The following DMD variants were observed in gnomAD, a reference collection of about 807,000 sequenced individuals.
DMD encodes dystrophin.
A neutral mutation model predicts 330.1 loss-of-function variants in DMD; 63 were observed. That is an observed-to-expected ratio of 0.19 (90% CI 0.16 to 0.24). DMD has a LOEUF of 0.24. DMD is among the 10% of genes least tolerant of loss of function. The pLI is 1.00. For synonymous variants in DMD, 1,223 were observed against 959.8 expected (o/e 1.27, Z -5.07); for missense variants, 3,344 against 2,684.1 (o/e 1.25, Z -5.43).
At chrX:31,228,917 AAACGTAAGG>A (rs1320803841) in intron 63 of DMD, among the ~76,000 whole-genome samples, 1 of 112,422 alleles carries the variant, frequency 8.9e-6, no homozygotes, top group Non-Finnish European at 1.9e-5. Flanking sequence ...AGAAATCTAG[AAACGTAAGG>A]AACAAGGGCA....
chrX:31,435,722 C>CA (rs2064465642), intron 60 of DMD: 1 of 111,749 alleles, frequency 8.9e-6, no homozygotes. Flanking sequence ...GTGAGAACAG[C>CA]AGCTCTTTGA....
intron 60 of DMD, among the ~76,000 whole-genome samples, chrX:31,406,710 A>C (rs2061414492): frequency 9.0e-6 from 1 of 111,666 alleles, no homozygotes; most frequent in Non-Finnish European, 1.9e-5. Flanking sequence ...GAAGGACTCA[A>C]GGTTATATAT....
intron 44 of DMD, among the ~76,000 whole-genome samples, chrX:32,201,779 C>T (rs1310516818): frequency 9.1e-6 from 1 of 110,452 alleles, no homozygotes; most frequent in East Asian, 2.8e-4. Flanking sequence ...TAAGTACAGT[C>T]AACAATGATA....
At chrX:31,644,542 A>C (rs1476758961) in intron 54 of DMD, among the ~76,000 whole-genome samples, 1 of 111,829 alleles carries the variant, frequency 8.9e-6, no homozygotes, top group Admixed American at 9.5e-5. Flanking sequence ...TGTCACGTTC[A>C]TTTAGAATAT....
intron 55 of DMD, among the ~76,000 whole-genome samples, chrX:31,524,684 C>G (rs1421058079): frequency 8.9e-6 from 1 of 112,160 alleles, no homozygotes; most frequent in Non-Finnish European, 1.9e-5. Context: ...CACCCTTCTC[C>G]CTTCGTTCTG....
intron 44 of DMD, among the ~76,000 whole-genome samples, chrX:32,177,330 C>G (rs1169446662): frequency 8.9e-6 from 1 of 111,838 alleles, no homozygotes; most frequent in East Asian, 2.8e-4. Context: ...GAAAAAACTC[C>G]CAACAGGACC....
At chrX:33,203,594 A>G (rs1360847553) in intron 1 of DMD, among the ~76,000 whole-genome samples, 3 of 110,826 alleles carry the variant, frequency 2.7e-5, no homozygotes, top group African/African-American at 9.8e-5. Flanking sequence ...GGAGATCGAA[A>G]GGAACAGACC....
chrX:33,078,034 T>G (rs981946003), intron 1 of DMD, among the ~76,000 whole-genome samples: 4 of 112,168 alleles, frequency 3.6e-5, no homozygotes, highest in African/African-American at 1.3e-4. Flanking sequence ...CTCTGTTCCA[T>G]GAAGAATCTC....
intron 6 of DMD, among the ~76,000 whole-genome samples, chrX:32,809,919 C>CCAAAAAAAAAAAAAAAA (rs2077222247): frequency 3.5e-5 from 1 of 28,660 alleles, no homozygotes; most frequent in African/African-American, 1.3e-4. Flanking sequence ...TTGTTTCTAC[C>CCAAAAAAAAAAAAAAAA]AAAAAAAAAA....
chrX:33,077,373 T>C (rs946121167), intron 1 of DMD, among the ~76,000 whole-genome samples: 1 of 111,591 alleles, frequency 9.0e-6, no homozygotes, highest in Non-Finnish European at 1.9e-5. Context: ...TCAGTTAAGT[T>C]AGATTGTTTT....
At chrX:32,064,071 C>T (rs12009718) in intron 44 of DMD, among the ~76,000 whole-genome samples, 25,109 of 110,161 alleles carry the variant, frequency 0.23, 2,159 homozygotes, top group South Asian at 0.27. Flanking sequence ...GATTTATTCT[C>T]AACGAATGAA....
chrX:32,242,105 C>T (rs1411660423), intron 43 of DMD, among the ~76,000 whole-genome samples: 1 of 111,919 alleles, frequency 8.9e-6, no homozygotes, highest in East Asian at 2.8e-4. Context: ...TGAATCCTAA[C>T]CAAATTTCCT....
chrX:31,122,034 A>AAGAC lies in DMD; in HGVS notation c.11047-108_11047-105dup, dbSNP rs772869518. On this transcript the variant is annotated intron_variant, in intron 78 of 78. Transcript: ENST00000357033. ...GGAAATCATTCCCCATTTCTGGGTG[A>AAGAC]AGACAACACAGAAGCTGCATCGAGG... 83 of 631,362 alleles carry AAGAC rather than the reference A, an allele frequency of 1.3e-4. 1 individual carries two copies. The East Asian group carries it at 2.6e-3, about 20-fold the overall frequency. 52.0% of individuals were successfully genotyped at this position (631,362 alleles called of 1,213,427 possible). A position where few individuals can be genotyped will look rare whatever the true frequency, so the allele number is the denominator to read the frequency against.
At chrX:31,234,671 A>C (rs765322513) in intron 63 of DMD, among the ~76,000 whole-genome samples, 1 of 112,413 alleles carries the variant, frequency 8.9e-6, no homozygotes, top group East Asian at 2.8e-4. Flanking sequence ...AAATCAGTAC[A>C]CGTATCCCAG....
chrX:33,316,113 G>A (rs932499995), intron 1 of DMD, among the ~76,000 whole-genome samples: 1 of 110,219 alleles, frequency 9.1e-6, no homozygotes, highest in South Asian at 3.9e-4. Context: ...AAATGACTCT[G>A]TAATCAACTA....
chrX:31,623,391 G>A (rs1603429423), intron 55 of DMD, among the ~76,000 whole-genome samples: 1 of 111,112 alleles, frequency 9.0e-6, no homozygotes. Flanking sequence ...AGCCTCCTGA[G>A]TAGCTGGGAC....
At chrX:32,880,897 T>C (rs2083875753) in intron 2 of DMD, among the ~76,000 whole-genome samples, 1 of 112,672 alleles carries the variant, frequency 8.9e-6, no homozygotes, top group Admixed American at 9.3e-5. Flanking sequence ...TGAGCCGATA[T>C]TGCGCCATCG....
In DMD at chrX:32,558,938, C is replaced by CTTTTTTTT. The variant is rs60739281; in HGVS notation, c.1992+6756_1992+6763dup. On this transcript the variant is annotated intron_variant, in intron 16 of 78. Transcript: ENST00000357033. Reference sequence around the variant, plus strand: ...TATTTGAGATGTAACTTCAAATTTTCTTTTTTTTTTTTTTTTTTTTTTTTT... The same window carrying CTTTTTTTT: ...TATTTGAGATGTAACTTCAAATTTTCTTTTTTTTTTTTTTTTTTTTTTTTTTTTTTTTT... Among the ~76,000 whole-genome samples the CTTTTTTTT allele has an allele frequency of 6.5e-4, 33 of 50,820 alleles. 1 individual carries two copies. Among genetic ancestry groups the CTTTTTTTT allele is most frequent in the East Asian group, 7.5e-4 (1 of 1,336 alleles). The allele number at this position is 50,820 out of a possible 115,157, so 44.1% of individuals were successfully genotyped here.
chrX:32,581,767 A>C (rs1434887406), intron 13 of DMD, among the ~76,000 whole-genome samples: 1 of 112,213 alleles, frequency 8.9e-6, no homozygotes, highest in Non-Finnish European at 1.9e-5. Context: ...AAGAAAGGAA[A>C]ATAACAGGCC....
Sources: gnomAD v4.1 joint callset for allele counts (sites outside exome capture counted in the v4.1 genomes callset) on GRCh38, gnomAD v4.1.1 for gene constraint, MANE v1.5 for transcripts, NCBI Gene and HGNC (gene_info 2026-07-23, HGNC 2026-07-21) for gene names.